PRKAG2: variants seen among roughly 807,000 people sequenced by gnomAD.
PRKAG2 encodes the protein protein kinase AMP-activated non-catalytic subunit gamma 2, also known as 5'-AMP-activated protein kinase subunit gamma-2.
A neutral mutation model predicts 69.6 loss-of-function variants in PRKAG2; 26 were observed. That is an observed-to-expected ratio of 0.37 (90% CI 0.27 to 0.52). The LOEUF is 0.52. Ranked by LOEUF, PRKAG2 falls within the 20% of genes least tolerant of loss-of-function variation. The pLI is 0.90. For missense variants in PRKAG2, 557 were observed against 740.0 expected (o/e 0.75, Z 2.87); for synonymous variants, 293 against 285.0 (o/e 1.03, Z -0.28).
intron 1 of PRKAG2, chr7:151,790,648 A>T (rs896307506): frequency 6.6e-6 from 1 of 152,268 alleles, no homozygotes; most frequent in Admixed American, 6.5e-5. Context: ...ATCAGGCCAC[A>T]CGCAGTTGCA....
intron 3 of PRKAG2, among the ~76,000 whole-genome samples, chr7:151,714,633 T>C (rs1795873308): frequency 6.6e-6 from 1 of 152,150 alleles, no homozygotes; most frequent in Non-Finnish European, 1.5e-5. Context: ...GTGAAATAAA[T>C]TGTTAAACAT....
intron 1 of PRKAG2, among the ~76,000 whole-genome samples, chr7:151,832,416 G>A (rs1259170745): frequency 6.6e-6 from 1 of 152,140 alleles, no homozygotes; most frequent in Non-Finnish European, 1.5e-5. Flanking sequence ...TGCCTTCCCA[G>A]GCAGCCAGCA....
At chr7:151,685,550 T>G (rs1834590072) in intron 3 of PRKAG2, among the ~76,000 whole-genome samples, 1 of 152,080 alleles carries the variant, frequency 6.6e-6, no homozygotes, top group Non-Finnish European at 1.5e-5. Flanking sequence ...AGGGAGGGGC[T>G]GGGAGCTCAG....
intron 3 of PRKAG2, among the ~76,000 whole-genome samples, chr7:151,768,504 T>C (rs2075856509): frequency 6.6e-6 from 1 of 152,196 alleles, no homozygotes; most frequent in Non-Finnish European, 1.5e-5. Context: ...CTCACTCTAT[T>C]GCCCAGGCTG....
chr7:151,747,464 G>A (rs1288126478), intron 3 of PRKAG2, among the ~76,000 whole-genome samples: 1 of 152,112 alleles, frequency 6.6e-6, no homozygotes, highest in Non-Finnish European at 1.5e-5. Context: ...GGCTGAGGCA[G>A]GAGAATCGCT....
intron 5 of PRKAG2, among the ~76,000 whole-genome samples, chr7:151,619,244 T>G (rs1340328084): frequency 2.0e-5 from 3 of 152,084 alleles, no homozygotes; most frequent in Non-Finnish European, 2.9e-5. Flanking sequence ...GAAAACCCAG[T>G]GATGAAGCTG....
At chr7:151,852,069 C>G (rs763312838) in intron 1 of PRKAG2, among the ~76,000 whole-genome samples, 2 of 152,240 alleles carry the variant, frequency 1.3e-5, no homozygotes, top group Non-Finnish European at 2.9e-5. Context: ...AAACCCTCAA[C>G]AGTGCTGCTT....
intron 1 of PRKAG2, among the ~76,000 whole-genome samples, chr7:151,832,712 C>T (rs2079066633): frequency 2.0e-5 from 3 of 152,180 alleles, no homozygotes; most frequent in Admixed American, 2.0e-4. Flanking sequence ...CGGGTACTCT[C>T]CAGGTGCTAC....
chr7:151,870,154 T>C lies in PRKAG2; in HGVS notation c.114+6353A>G, dbSNP rs373765405. ...ATAGATAGATAGATAGATAGATAGA[T>C]AGGCAGGCAGGCAGGCAGGCAGGCA... is the stretch of plus-strand genomic sequence containing the variant. On this transcript the variant is annotated intron_variant, in intron 1 of 15. Transcript: ENST00000287878. Among the ~76,000 whole-genome samples the C allele has an allele frequency of 9.2e-4, 128 of 138,424 alleles. 1 individual carries two copies. Among genetic ancestry groups the C allele is most frequent in the African/African-American group, 3.0e-3 (108 of 36,250 alleles). The allele number at this position is 138,424 out of a possible 152,430, so 90.8% of individuals were successfully genotyped here. A position where few individuals can be genotyped will look rare whatever the true frequency, so the allele number is the denominator to read the frequency against.
At chr7:151,874,954 C>T (rs957281867) in intron 1 of PRKAG2, among the ~76,000 whole-genome samples, 7 of 152,124 alleles carry the variant, frequency 4.6e-5, no homozygotes, top group Admixed American at 2.0e-4. Context: ...CCGTATAAAG[C>T]AGGAAAAATG....
At chr7:151,731,400 G>A (rs1018971079) in intron 3 of PRKAG2, among the ~76,000 whole-genome samples, 5 of 152,356 alleles carry the variant, frequency 3.3e-5, no homozygotes, top group East Asian at 1.9e-4. Flanking sequence ...CAAGGCCAGC[G>A]GGTGAACATT....
intron 1 of PRKAG2, among the ~76,000 whole-genome samples, chr7:151,803,350 C>T (rs1001923783): frequency 2.0e-5 from 3 of 152,112 alleles, no homozygotes; most frequent in Non-Finnish European, 2.9e-5. Context: ...GAATTTAAGG[C>T]GATCTTTATC....
In PRKAG2 at chr7:151,719,170, G is replaced by A. The variant is rs1001278341; in HGVS notation, c.467-43533C>T. On this transcript the variant is annotated intron_variant, in intron 3 of 15. Transcript: ENST00000287878. The surrounding 1 kb of genome is among the most constrained non-coding windows in gnomAD (Gnocchi z 5.2). The stretch of plus-strand genomic sequence containing the variant: ...GTATCTTGCAACCAGCTCAGCGGTG[G>A]AAGCAGTGGAAGTGCAGACAGAAAG... Among the ~76,000 whole-genome samples the A allele has an allele frequency of 7.2e-5, 11 of 152,218 alleles. No homozygotes were observed. The highest frequency in any genetic ancestry group is 1.3e-4 in the Non-Finnish European group (9 of 68,050).
intron 1 of PRKAG2, among the ~76,000 whole-genome samples, chr7:151,834,457 G>T (rs907908879): frequency 3.9e-5 from 6 of 152,164 alleles, no homozygotes; most frequent in Non-Finnish European, 7.3e-5. Context: ...CTCTGGCCAC[G>T]TTTTTGTCAA....
rs1447302742 is a variant in PRKAG2 at position 151,780,350 on chromosome 7, G to A, written c.466+802C>T. ...TTCTGAGTAAAAGTCAGCCTGGAGA[G>A]AAAGGTGAACTATCCCAGGCCTCTG... On this transcript the variant is annotated intron_variant, in intron 3 of 15. Transcript: ENST00000287878. This position sits in a 1 kb window ranked among gnomAD's most constrained non-coding sequence, Gnocchi z 4.2. Among the ~76,000 whole-genome samples the A allele has an allele frequency of 1.3e-5, 2 of 152,202 alleles. No individual in the cohort carries two copies. Among genetic ancestry groups the A allele is most frequent in the Non-Finnish European group, 2.9e-5 (2 of 68,032 alleles).
chr7:151,715,146 G>C (rs1377014333), intron 3 of PRKAG2, among the ~76,000 whole-genome samples: 2 of 146,222 alleles, frequency 1.4e-5, no homozygotes, highest in Non-Finnish European at 3.0e-5. Context: ...CTCCAAAGTA[G>C]CTGGGATTAC....
intron 6 of PRKAG2, among the ~76,000 whole-genome samples, chr7:151,589,579 T>C (rs1316063074): frequency 6.6e-6 from 1 of 152,258 alleles, no homozygotes; most frequent in African/African-American, 2.4e-5. Flanking sequence ...TTGCTTATGT[T>C]CTTTTTCTGT....
chr7:151,769,156 G>A (rs3934595), intron 3 of PRKAG2, among the ~76,000 whole-genome samples: 105,971 of 152,140 alleles, frequency 0.7, 37,401 homozygotes, highest in East Asian at 0.98. Context: ...AGGCAGAAAG[G>A]CTGTGAACAA....
chr7:151,783,427 A>AC (rs1408517852), intron 2 of PRKAG2, among the ~76,000 whole-genome samples: 1 of 151,018 alleles, frequency 6.6e-6, no homozygotes, highest in Non-Finnish European at 1.5e-5. Flanking sequence ...TGCAACCTCC[A>AC]CCTCCCGGGC....
Sources: allele counts gnomAD v4.1 joint callset (sites outside exome capture counted in the v4.1 genomes callset), GRCh38; gene constraint gnomAD v4.1.1; non-coding constraint Gnocchi (gnomAD v3.1); transcripts MANE v1.5; gene names NCBI Gene and HGNC (gene_info 2026-07-23, HGNC 2026-07-21).